SAFB: variants seen among roughly 807,000 people sequenced by gnomAD.
SAFB encodes scaffold attachment factor B1.
In SAFB, 15 loss-of-function variants were observed where a neutral mutation model predicts 101.6. The observed-to-expected ratio is 0.15, with a 90% CI of 0.10 to 0.23. The LOEUF (loss-of-function observed/expected upper bound fraction) is 0.23, where lower values mean the gene tolerates loss of function less well. SAFB is among the 10% of genes least tolerant of loss of function. The pLI, the probability that SAFB is intolerant of heterozygous loss-of-function variation, is 1.00. For synonymous variants in SAFB, 449 were observed against 407.5 expected (o/e 1.10, Z -1.23); for missense variants, 930 against 1,104.1 (o/e 0.84, Z 2.23).
At chr19:5,640,811 A>G (rs1380983661) in intron 2 of SAFB, among the ~76,000 whole-genome samples, 1 of 152,012 alleles carries the variant, frequency 6.6e-6, no homozygotes, top group African/African-American at 2.4e-5. Flanking sequence ...GGCTGGTGTC[A>G]AACTCCTGAC....
chr19:5,643,662 C>T (rs1232457075), intron 4 of SAFB, among the ~76,000 whole-genome samples: 16 of 152,098 alleles, frequency 1.1e-4, no homozygotes, highest in Non-Finnish European at 1.5e-5. Flanking sequence ...TGGAAACATC[C>T]TAAATGCCTG....
rs2053511718 is a variant in SAFB, at chr19:5,632,538, C to G, written c.274+6049C>G. Reference sequence around the variant, plus strand: ...CAGTAGTTTGTTCCAATAATATTCTCTATAACTCAGACAAAAAATGTCCAG... The same window carrying G: ...CAGTAGTTTGTTCCAATAATATTCTGTATAACTCAGACAAAAAATGTCCAG... On this transcript the variant is annotated intron_variant, in intron 2 of 20. Transcript: ENST00000588852. 8.5e-5 allele frequency among the ~76,000 whole-genome samples: 13 copies of G among 152,304 alleles called. No individual in the cohort carries two copies. In the South Asian group the frequency reaches 2.7e-3, roughly 32 times the overall value.
At position 5,668,285 on chromosome 19, in the gene SAFB, CTACTGAG is replaced by C; in HGVS notation, c.2753_*5del. ...CCAGCGATGCCCGCTTCACTCGCCG[CTACTGAG>C]TACTTGGAATCCTGTGTCCTGTCTC... is the stretch of plus-strand genomic sequence containing the variant. On this transcript the variant is annotated stop_lost and 3_prime_UTR_variant, in exon 21 of 21. Coordinates refer to ENST00000588852, the MANE Select transcript of SAFB (RefSeq NM_001201338.2). The C allele has an allele frequency of 6.2e-7, 1 of 1,611,782 alleles. No homozygotes were observed. Among genetic ancestry groups the C allele is most frequent in the Admixed American group, 1.7e-5 (1 of 59,546 alleles).
At chr19:5,647,284 G>C (rs1379010977) in intron 5 of SAFB, among the ~76,000 whole-genome samples, 2 of 152,334 alleles carry the variant, frequency 1.3e-5, no homozygotes, top group East Asian at 3.9e-4. Flanking sequence ...GCAGGGGAGG[G>C]CTGGGCCTGT....
At chr19:5,666,809 G>A in intron 17 of SAFB, 1 of 581,976 alleles carries the variant, frequency 1.7e-6, no homozygotes, top group Non-Finnish European at 3.1e-6. Flanking sequence ...GTGGGGACCT[G>A]CCTTGGAGAT....
chr19:5,648,784 G>A (rs965646633), intron 6 of SAFB: 9 of 698,638 alleles, frequency 1.3e-5, no homozygotes, highest in Admixed American at 4.6e-5. Flanking sequence ...TTTCTCTTCC[G>A]TGTAGCGTAG....
At chr19:5,638,433 G>A (rs568203926) in intron 2 of SAFB, among the ~76,000 whole-genome samples, 2 of 150,670 alleles carry the variant, frequency 1.3e-5, no homozygotes, top group African/African-American at 2.5e-5. Flanking sequence ...ATTCTCCTGC[G>A]TCAACCCCCC....
chr19:5,624,315 C>G (rs1178247152), intron 1 of SAFB, among the ~76,000 whole-genome samples: 1 of 151,498 alleles, frequency 6.6e-6, no homozygotes, highest in Non-Finnish European at 1.5e-5. Flanking sequence ...GCTTGGCGTG[C>G]TGCCTGGCGC....
chr19:5,629,044 A>G (rs1338805423), intron 2 of SAFB, among the ~76,000 whole-genome samples: 1 of 152,084 alleles, frequency 6.6e-6, no homozygotes, highest in African/African-American at 2.4e-5. Flanking sequence ...CAGTGCTTTC[A>G]CCTCAGCCCC....
chr19:5,626,283 G>A lies in SAFB; in HGVS notation c.190-122G>A, dbSNP rs1163574395. 2.6e-5 allele frequency: 17 copies of A among 657,338 alleles called. 1 individual carries two copies. Among genetic ancestry groups the A allele is most frequent in the Non-Finnish European group, 2.5e-5 (9 of 363,428 alleles). The allele number at this position is 657,338 out of a possible 1,614,324, so 40.7% of individuals were successfully genotyped here. On this transcript the variant is annotated intron_variant, in intron 1 of 20. Transcript: ENST00000588852. ...TGAGTGGATGGGCCACAGGTCCTGG[G>A]TGGTGAGGGCGGCAGCAGCTTTTTG...
chr19:5,661,108 GACA>G (rs1262560645), intron 14 of SAFB, among the ~76,000 whole-genome samples: 5 of 151,888 alleles, frequency 3.3e-5, no homozygotes, highest in Middle Eastern at 3.4e-3. Context: ...TTTTAGTAGA[GACA>G]AGAGTTTCAC....
At chr19:5,634,594 A>G (rs1191387497) in intron 2 of SAFB, among the ~76,000 whole-genome samples, 1 of 152,282 alleles carries the variant, frequency 6.6e-6, no homozygotes, top group Non-Finnish European at 1.5e-5. Flanking sequence ...AAGGTATGCA[A>G]CAGTCTGGGA....
At chr19:5,651,604 C>G (rs1335577281) in intron 9 of SAFB, among the ~76,000 whole-genome samples, 1 of 152,164 alleles carries the variant, frequency 6.6e-6, no homozygotes, top group Non-Finnish European at 1.5e-5. Flanking sequence ...GTCTGCAGCA[C>G]CTGCCTTTCC....
chr19:5,647,980 C>A, intron 5 of SAFB, 36 bp from the exon 6 acceptor site: 1 of 1,586,724 alleles, frequency 6.3e-7, no homozygotes, highest in East Asian at 2.2e-5. Context: ...AGGTGTCATT[C>A]ATCTGGCACA....
In SAFB at chr19:5,641,613, G is replaced by A. The variant is rs1298330041; in HGVS notation, c.294G>A (p.Glu98=). 6.2e-7 allele frequency: 1 copy of A among 1,613,962 alleles called. No individual in the cohort carries two copies. Among genetic ancestry groups the A allele is most frequent in the Non-Finnish European group, 8.5e-7 (1 of 1,180,014 alleles). ...CTTCAGGGCGCAAACCAGAAGAAGA[G>A]GGTGTGGAAGATAACGGGCTGGAGG... The part of the protein sequence containing the change: ...RSSKGRKPEE[E]GVEDNGLEEN... Residue 98 remains glutamate, a synonymous_variant, in exon 3 of 21, where the codon GAG becomes GAA. Coordinates refer to ENST00000588852, the MANE Select transcript of SAFB (RefSeq NM_001201338.2).
intron 2 of SAFB, among the ~76,000 whole-genome samples, chr19:5,636,872 C>T (rs1295121640): frequency 1.3e-5 from 2 of 151,604 alleles, no homozygotes; most frequent in Non-Finnish European, 2.9e-5. Context: ...CCACACCTGG[C>T]TAATTTTTAT....
chr19:5,666,443 A>T (rs995467198), intron 17 of SAFB: 2 of 154,050 alleles, frequency 1.3e-5, no homozygotes, highest in African/African-American at 4.8e-5. Flanking sequence ...TTTATCTCTC[A>T]GTGTCCTGTG....
At chr19:5,645,215 C>T (rs2053801913) in intron 4 of SAFB, 122 bp from the exon 5 acceptor site, 12 of 557,168 alleles carry the variant, frequency 2.2e-5, no homozygotes, top group Non-Finnish European at 3.6e-5. Flanking sequence ...TGATTTCTGC[C>T]CTGGGTTTAA....
At chr19:5,644,796 G>A (rs1261295855) in intron 4 of SAFB, among the ~76,000 whole-genome samples, 2 of 152,178 alleles carry the variant, frequency 1.3e-5, no homozygotes, top group African/African-American at 4.8e-5. Flanking sequence ...TAGAATAAAA[G>A]CTATTCTTCC....
Sources: allele counts gnomAD v4.1 joint callset (sites outside exome capture counted in the v4.1 genomes callset), GRCh38; gene constraint gnomAD v4.1.1; transcripts MANE v1.5; gene names NCBI Gene and HGNC (gene_info 2026-07-23, HGNC 2026-07-21).